Variants in CCDC18 observed in about 807,000 individuals in gnomAD.
CCDC18 encodes the protein coiled-coil domain-containing protein 18.
In CCDC18, 157 loss-of-function variants were observed where a neutral mutation model predicts 196.0. The ratio of observed to expected loss-of-function variants is 0.80; its 90% CI spans 0.70 to 0.91. The LOEUF is 0.91. Among genes scored for constraint, CCDC18 ranks in the 40% least tolerant of loss-of-function variants. The probability of loss-of-function intolerance (pLI) is 0.00; values close to 1 mark genes in which losing one functional copy is unlikely to be tolerated. For synonymous variants in CCDC18, 482 were observed against 529.2 expected, an observed-to-expected ratio of 0.91 and a Z score of 1.22; for missense variants, 1,465 against 1,611.6, an observed-to-expected ratio of 0.91 and a Z score of 1.56.
chr1:93,201,894 C>T lies in CCDC18; in HGVS notation c.701C>T (p.Ala234Val). The change falls in exon 7 of 29, where the codon GCT becomes GTT. Residue 234 changes from alanine to valine, a missense_variant and splice_region_variant. Transcript: ENST00000690025. ...CATTATCTCTTTTTAAATTTTAGAG[C>T]TGAACGACAAAGGAATGAAGCACTA... is the stretch of plus-strand genomic sequence containing the variant. ...LLEQTKQGKR[A>V]ERQRNEALYN... The T allele has an allele frequency of 6.4e-7, 1 of 1,571,122 alleles. No homozygotes were observed. The highest frequency in any genetic ancestry group is 8.6e-7 in the Non-Finnish European group (1 of 1,159,034).
rs747787141 is a variant in CCDC18 at position 93,217,862 on chromosome 1, T to G, written c.1955T>G (p.Ile652Ser). The G allele has an allele frequency of 1.2e-6, 2 of 1,609,310 alleles. No homozygotes were observed. Among genetic ancestry groups the G allele is most frequent in the Non-Finnish European group, 1.7e-6 (2 of 1,177,502 alleles). The change falls in exon 14 of 29, where the codon ATT (isoleucine) becomes AGT (serine). Residue 652 changes from isoleucine to serine, a missense_variant. Ile to Ser is a moderately radical substitution (Grantham distance 142). Coordinates refer to ENST00000690025, the MANE Select transcript of CCDC18 (RefSeq NM_001378204.1). ...LEQHKEMEKQ[I>S]ERLEAQLEKK... is the part of the protein sequence containing the mutation. ...CAGCATAAAGAAATGGAAAAGCAGA[T>G]TGAAAGAGTAAGTAATACATATTTA...
intron 21 of CCDC18, among the ~76,000 whole-genome samples, chr1:93,243,327 G>A (rs571174806): frequency 5.8e-4 from 88 of 152,298 alleles, no homozygotes; most frequent in African/African-American, 2.0e-3. Flanking sequence ...CTGAAGCCAC[G>A]GCCTGTGCTC....
chr1:93,217,017 C>T (rs1170250877), intron 13 of CCDC18, among the ~76,000 whole-genome samples: 2 of 147,958 alleles, frequency 1.4e-5, no homozygotes, highest in African/African-American at 2.6e-5. Context: ...TCACTGCAAG[C>T]TCTGCCTCCT....
At chr1:93,180,626 C>G, upstream of CCDC18, 1 of 1,336,598 alleles carries the variant, frequency 7.5e-7, no homozygotes, top group Non-Finnish European at 9.8e-7. Flanking sequence ...TCGCCGACCA[C>G]GATCCCCGGC....
intron 18 of CCDC18, among the ~76,000 whole-genome samples, chr1:93,234,538 G>T (rs1257514510): frequency 6.6e-6 from 1 of 152,130 alleles, no homozygotes; most frequent in Non-Finnish European, 1.5e-5. Context: ...CTTCACTGAG[G>T]TCTACAGAAG....
intron 6 of CCDC18, among the ~76,000 whole-genome samples, chr1:93,199,103 T>G (rs951770662): frequency 1.1e-4 from 16 of 152,210 alleles, no homozygotes; most frequent in African/African-American, 3.9e-4. Flanking sequence ...GGGTGTTGCT[T>G]CACGAGCCAG....
At chr1:93,227,666 A>G (rs1658589282) in intron 17 of CCDC18, among the ~76,000 whole-genome samples, 1 of 151,924 alleles carries the variant, frequency 6.6e-6, no homozygotes, top group Admixed American at 6.6e-5. Context: ...ATCAAGGTTG[A>G]CTTTTGGCCA....
At position 93,190,904 on chromosome 1, in the gene CCDC18, T is replaced by C. The variant is rs919039519; in HGVS notation, c.463-1096T>C. The C allele has an allele frequency of 8.5e-5, 63 of 744,922 alleles. 1 individual carries two copies. In the Admixed American group the frequency reaches 1.1e-3, roughly 13 times the overall value. The allele number at this position is 744,922 out of a possible 1,614,324, so 46.1% of individuals were successfully genotyped here. Reference sequence around the variant, plus strand: ...TCAGCCTTTTTCTGGAAAATCTACTTAGTCTGCCCACCATAACCACTCTGC... The same window carrying C: ...TCAGCCTTTTTCTGGAAAATCTACTCAGTCTGCCCACCATAACCACTCTGC... On this transcript the variant is annotated intron_variant, in intron 4 of 28. Transcript: ENST00000690025.
chr1:93,219,914 C>T (rs1199160816), intron 14 of CCDC18, among the ~76,000 whole-genome samples: 2 of 152,026 alleles, frequency 1.3e-5, no homozygotes, highest in Non-Finnish European at 2.9e-5. Flanking sequence ...TGAACAAAGC[C>T]TCAGAGATAT....
intron 18 of CCDC18, 31 bp downstream of exon 18, chr1:93,232,624 T>C (rs766453552): frequency 2.1e-6 from 3 of 1,455,402 alleles, no homozygotes; most frequent in East Asian, 2.4e-5. Flanking sequence ...ATTGTTTTAT[T>C]TGTATGAAAT....
At chr1:93,243,470 A>G (rs1661096090) in intron 21 of CCDC18, among the ~76,000 whole-genome samples, 1 of 152,206 alleles carries the variant, frequency 6.6e-6, no homozygotes, top group African/African-American at 2.4e-5. Flanking sequence ...CAGGCCTGTG[A>G]TGGGAGAGGC....
chr1:93,253,385 A>T (rs2101046917), intron 23 of CCDC18, among the ~76,000 whole-genome samples: 1 of 152,222 alleles, frequency 6.6e-6, no homozygotes, highest in Non-Finnish European at 1.5e-5. Context: ...TGGAGAGCCT[A>T]TCTCATTATT....
At chr1:93,198,766 G>A (rs1653239484) in intron 6 of CCDC18, among the ~76,000 whole-genome samples, 1 of 151,986 alleles carries the variant, frequency 6.6e-6, no homozygotes, top group African/African-American at 2.4e-5. Flanking sequence ...TCCCACTTCA[G>A]GCTCGCAGAT....
chr1:93,257,005 A>G (rs12046063), intron 25 of CCDC18, among the ~76,000 whole-genome samples: 14,842 of 152,000 alleles, frequency 0.098, 976 homozygotes, highest in East Asian at 0.28. Flanking sequence ...AGGCAGGCGG[A>G]TAAGTAAGTC....
chr1:93,256,561 T>G (rs748153934), intron 25 of CCDC18, 23 bp downstream of exon 25: 2 of 1,563,356 alleles, frequency 1.3e-6, no homozygotes, highest in Non-Finnish European at 1.8e-6. Flanking sequence ...TTAAATAATC[T>G]TATGTATCTG....
At chr1:93,200,853 A>G (rs1413397737) in intron 6 of CCDC18, among the ~76,000 whole-genome samples, 6 of 152,216 alleles carry the variant, frequency 3.9e-5, no homozygotes, top group African/African-American at 1.2e-4. Context: ...AAGAAGGATA[A>G]TAGAGGAAAG....
At chr1:93,198,479 A>G (rs911674532) in intron 6 of CCDC18, among the ~76,000 whole-genome samples, 12 of 152,214 alleles carry the variant, frequency 7.9e-5, no homozygotes, top group Non-Finnish European at 1.3e-4. Context: ...TTCACTGGGA[A>G]GGTACACAGG....
chr1:93,215,907 C>T (rs1259193652), intron 12 of CCDC18, among the ~76,000 whole-genome samples: 3 of 152,214 alleles, frequency 2.0e-5, no homozygotes, highest in Admixed American at 2.0e-4. Context: ...TTCATTTTCA[C>T]TGAGGACAGG....
intron 8 of CCDC18, 88 bp from the exon 9 acceptor site, chr1:93,207,019 A>G (rs1654821010): frequency 1.3e-6 from 1 of 760,610 alleles, no homozygotes; most frequent in African/African-American, 1.8e-5. Flanking sequence ...ATTAAGCTTC[A>G]AAAAATTTTA....
Sources: allele counts gnomAD v4.1 joint callset (sites outside exome capture counted in the v4.1 genomes callset), GRCh38; gene constraint gnomAD v4.1.1; transcripts MANE v1.5; gene names NCBI Gene and HGNC (gene_info 2026-07-23, HGNC 2026-07-21).